The following CACNA2D2 variants were observed in gnomAD, a reference collection of about 807,000 sequenced individuals.
CACNA2D2 encodes calcium voltage-gated channel auxiliary subunit alpha2delta 2.
CACNA2D2 carries 48 observed loss-of-function variants against 166.4 expected under a neutral mutation model. The ratio of observed to expected loss-of-function variants is 0.29; its 90% CI spans 0.23 to 0.37. The LOEUF (loss-of-function observed/expected upper bound fraction) is 0.37. Ranked by LOEUF, CACNA2D2 falls within the 10% of genes least tolerant of loss-of-function variation. The pLI is 1.00. For missense variants in CACNA2D2, 1,122 were observed against 1,433.0 expected, an observed-to-expected ratio of 0.78 and a Z score of 3.50; for synonymous variants, 561 against 573.7, an observed-to-expected ratio of 0.98 and a Z score of 0.32.
chr3:50,439,394 T>C (rs1051637960), intron 2 of CACNA2D2, among the ~76,000 whole-genome samples: 6 of 152,218 alleles, frequency 3.9e-5, no homozygotes, highest in African/African-American at 1.4e-4. Context: ...TCTGGAAAAT[T>C]AAATCAGAAA....
chr3:50,387,006 C>A (rs587734483), intron 5 of CACNA2D2, among the ~76,000 whole-genome samples: 3 of 152,270 alleles, frequency 2.0e-5, no homozygotes, highest in African/African-American at 7.2e-5. Context: ...GAGGGCAGCC[C>A]GGGCGGACTT....
chr3:50,491,973 G>C (rs1698539421), intron 1 of CACNA2D2, among the ~76,000 whole-genome samples: 1 of 152,222 alleles, frequency 6.6e-6, no homozygotes, highest in African/African-American at 2.4e-5. Context: ...GGAAGGGCTA[G>C]GTTCCTGGCC....
At chr3:50,396,902 A>T (rs1342251290) in intron 3 of CACNA2D2, among the ~76,000 whole-genome samples, 12 of 152,166 alleles carry the variant, frequency 7.9e-5, no homozygotes. Context: ...GCCGCAGAAA[A>T]GCCACAGGGT....
chr3:50,461,087 A>G (rs1709565539), intron 2 of CACNA2D2, among the ~76,000 whole-genome samples: 1 of 152,238 alleles, frequency 6.6e-6, no homozygotes, highest in Non-Finnish European at 1.5e-5. Context: ...CCCACAACTG[A>G]GGGACACAAG....
intron 3 of CACNA2D2, among the ~76,000 whole-genome samples, chr3:50,413,812 A>G (rs1707143044): frequency 6.6e-6 from 1 of 152,162 alleles, no homozygotes; most frequent in Non-Finnish European, 1.5e-5. Context: ...GTGCCACTGC[A>G]TTCTAACTTG....
intron 6 of CACNA2D2, among the ~76,000 whole-genome samples, chr3:50,381,981 T>TACACACACACACAC (rs34662551): frequency 2.1e-4 from 28 of 133,464 alleles, no homozygotes; most frequent in South Asian, 1.3e-3. Context: ...GATCTATCCC[T>TACACACACACACAC]ACACACACAC....
intron 2 of CACNA2D2, among the ~76,000 whole-genome samples, chr3:50,465,417 C>T (rs1290311691): frequency 2.0e-5 from 3 of 152,140 alleles, no homozygotes; most frequent in East Asian, 1.9e-4. Flanking sequence ...ACCCAGCTTC[C>T]GGGTCTCCCT....
At chr3:50,489,112 C>T (rs564170666) in intron 1 of CACNA2D2, among the ~76,000 whole-genome samples, 6 of 152,324 alleles carry the variant, frequency 3.9e-5, no homozygotes, top group East Asian at 1.9e-4. Flanking sequence ...GATGTTCCAT[C>T]CTTACAACTA....
chr3:50,447,320 G>A (rs987837504), intron 2 of CACNA2D2, among the ~76,000 whole-genome samples: 4 of 152,212 alleles, frequency 2.6e-5, no homozygotes, highest in Non-Finnish European at 5.9e-5. Context: ...CTCGTGGTCA[G>A]GTGCCCATGG....
chr3:50,481,878 C>T (rs527281351), intron 1 of CACNA2D2, among the ~76,000 whole-genome samples: 4 of 152,134 alleles, frequency 2.6e-5, no homozygotes, highest in Non-Finnish European at 5.9e-5. Flanking sequence ...CACCTGTAGT[C>T]CCAGCTACCC....
At chr3:50,468,574 G>C (rs911333761) in intron 2 of CACNA2D2, among the ~76,000 whole-genome samples, 12 of 152,092 alleles carry the variant, frequency 7.9e-5, no homozygotes, top group African/African-American at 2.7e-4. Flanking sequence ...GAGCAGTGCT[G>C]TCTGCCTAGG....
At chr3:50,502,327 T>G (rs1384718707) in intron 1 of CACNA2D2, among the ~76,000 whole-genome samples, 1 of 152,210 alleles carries the variant, frequency 6.6e-6, no homozygotes, top group African/African-American at 2.4e-5. Context: ...GTCTGGGCAC[T>G]GACATAGGGC....
chr3:50,407,885 T>C (rs2106786827), intron 3 of CACNA2D2, among the ~76,000 whole-genome samples: 1 of 152,252 alleles, frequency 6.6e-6, no homozygotes, highest in Non-Finnish European at 1.5e-5. Flanking sequence ...AGGGCAAAGA[T>C]GTGGGGGTAG....
chr3:50,387,223 C>G (rs1329475367), intron 5 of CACNA2D2, among the ~76,000 whole-genome samples: 2 of 152,200 alleles, frequency 1.3e-5, no homozygotes, highest in East Asian at 3.9e-4. Context: ...CTGCTCACAC[C>G]TGCCCACCTC....
intron 2 of CACNA2D2, among the ~76,000 whole-genome samples, chr3:50,454,338 G>A (rs922359704): frequency 6.6e-6 from 1 of 152,222 alleles, no homozygotes; most frequent in Non-Finnish European, 1.5e-5. Context: ...GAAGTTGGGC[G>A]TTGATGGGGG....
Position 50,498,599 on chromosome 3 carries a change from C to T in CACNA2D2, c.206+4619G>A, listed in dbSNP as rs539397425. 1.3e-4 allele frequency among the ~76,000 whole-genome samples: 20 copies of T among 152,288 alleles called. No individual in the cohort carries two copies. The East Asian group carries it at 2.7e-3, about 21-fold the overall frequency. ...GGTGCTCCATGATGGCCTGTGTATA[C>T]GTGGGAGGTAGATGGAGGTCAGCAC... On this transcript the variant is annotated intron_variant, in intron 1 of 37. Transcript: ENST00000424201.
At position 50,364,647 on chromosome 3, in the gene CACNA2D2, G is replaced by C; in HGVS notation, c.*19C>G. On this transcript the variant is annotated 3_prime_UTR_variant, in exon 38 of 38. Coordinates refer to ENST00000424201, the MANE Select transcript of CACNA2D2 (RefSeq NM_006030.4). ...GAGGCCGGGTGAGGTGGGAGTGGAGGTGGGGTGGGGCAGGGTGCTCAGAGG... is the reference window on the plus strand; with the variant it reads ...GAGGCCGGGTGAGGTGGGAGTGGAGCTGGGGTGGGGCAGGGTGCTCAGAGG... The C allele has an allele frequency of 6.7e-7, 1 of 1,499,382 alleles. No homozygotes were observed. Among genetic ancestry groups the C allele is most frequent in the Non-Finnish European group, 8.9e-7 (1 of 1,122,970 alleles). The allele number at this position is 1,499,382 out of a possible 1,614,324, so 92.9% of individuals were successfully genotyped here.
chr3:50,385,340 G>A (rs181657780), intron 5 of CACNA2D2, among the ~76,000 whole-genome samples: 1 of 152,218 alleles, frequency 6.6e-6, no homozygotes, highest in East Asian at 1.9e-4. Flanking sequence ...CACCCCATAC[G>A]CTCCCTCACT....
At chr3:50,391,969 A>T (rs1559904218) in intron 4 of CACNA2D2, among the ~76,000 whole-genome samples, 1 of 152,180 alleles carries the variant, frequency 6.6e-6, no homozygotes, top group Non-Finnish European at 1.5e-5. Context: ...AGTCCTGGGC[A>T]GACATCTGGA....
Sources: allele counts gnomAD v4.1 joint callset (sites outside exome capture counted in the v4.1 genomes callset), GRCh38; gene constraint gnomAD v4.1.1; transcripts MANE v1.5; gene names NCBI Gene and HGNC (gene_info 2026-07-23, HGNC 2026-07-21).